ABCC6: variants seen among roughly 807,000 people sequenced by gnomAD.
ABCC6 encodes ATP binding cassette subfamily C member 6.
Under a neutral mutation model 169.5 loss-of-function variants are expected in ABCC6, and 126 were observed. The observed-to-expected ratio is 0.74, with a 90% CI of 0.64 to 0.86. The LOEUF (loss-of-function observed/expected upper bound fraction) is 0.86, where lower values mean the gene tolerates loss of function less well. Ranked by LOEUF, ABCC6 falls within the 40% of genes least tolerant of loss-of-function variation. The pLI, the probability that ABCC6 is intolerant of heterozygous loss-of-function variation, is 0.00. For synonymous variants in ABCC6, 752 were observed against 814.7 expected (o/e 0.92, Z 1.31); for missense variants, 1,733 against 1,927.2 (o/e 0.90, Z 1.89).
intron 9 of ABCC6, among the ~76,000 whole-genome samples, chr16:16,200,829 C>A (rs60591968): frequency 6.7e-6 from 1 of 149,638 alleles, no homozygotes. Context: ...GGCAGCAGTC[C>A]AGGGACTTAG....
rs918165883 is a variant in ABCC6, at chr16:16,169,047, C to T, written c.2995+599G>A. On this transcript the variant is annotated intron_variant, in intron 22 of 30. Transcript: ENST00000205557. ...AGTGAGCCGAGACGGCAGCACTGCC[C>T]TCCAGCCCGGGCAACAGAGCAAGAC... 2.0e-5 allele frequency among the ~76,000 whole-genome samples: 3 copies of T among 152,210 alleles called. No homozygotes were observed. In the East Asian group the frequency reaches 5.8e-4, roughly 29 times the overall value.
At chr16:16,189,118 G>C in intron 12 of ABCC6, 144 bp from the exon 13 acceptor site, 2 of 939,230 alleles carry the variant, frequency 2.1e-6, no homozygotes, top group East Asian at 2.5e-5. Context: ...CCCACTCCCA[G>C]TCCTGCTAAC....
chr16:16,163,093 C>T lies in ABCC6; in HGVS notation c.3406G>A (p.Val1136Met). The part of the protein sequence containing the change: ...HMAETFQGST[V>M]VRAFRTQAPF... Reference sequence around the variant, plus strand: ...GCCTGGGTTCGGAATGCCCGGACCACTGTGCTGCCCTGGAACGTCTCAGCC... The same window carrying T: ...GCCTGGGTTCGGAATGCCCGGACCATTGTGCTGCCCTGGAACGTCTCAGCC... Residue 1136 changes from valine (V) to methionine (M), a missense_variant, in exon 24 of 31, where the codon GTG (valine) becomes ATG (methionine). Transcript: ENST00000205557. 1 of 1,613,902 alleles carries T rather than the reference C, an allele frequency of 6.2e-7. No individual in the cohort carries two copies. The highest frequency in any genetic ancestry group is 8.5e-7 in the Non-Finnish European group (1 of 1,180,040).
intron 21 of ABCC6, among the ~76,000 whole-genome samples, chr16:16,171,350 T>C (rs919525309): frequency 6.6e-6 from 1 of 152,182 alleles, no homozygotes; most frequent in South Asian, 2.1e-4. Flanking sequence ...TCTGAAAGTG[T>C]TGGGATTACA....
chr16:16,210,867 G>A (rs2048587609), intron 6 of ABCC6, among the ~76,000 whole-genome samples: 2 of 152,186 alleles, frequency 1.3e-5, no homozygotes, highest in African/African-American at 4.8e-5. Context: ...GTCGAGTGGG[G>A]TAGATCACTT....
In ABCC6 at chr16:16,150,054, A is replaced by G; in HGVS notation, c.*79T>C. The stretch of plus-strand genomic sequence containing the variant: ...GACTCAATATCGTGTGGAGCTATCG[A>G]TGACCACGGGTCACTTCCATCTCCA... On this transcript the variant is annotated 3_prime_UTR_variant, in exon 31 of 31. Coordinates refer to ENST00000205557, the MANE Select transcript of ABCC6 (RefSeq NM_001171.6). The G allele has an allele frequency of 6.3e-7, 1 of 1,584,248 alleles. No homozygotes were observed. Among genetic ancestry groups the G allele is most frequent in the South Asian group, 1.1e-5 (1 of 88,114 alleles).
At chr16:16,164,408 T>C (rs1176747054) in intron 23 of ABCC6, among the ~76,000 whole-genome samples, 2 of 152,070 alleles carry the variant, frequency 1.3e-5, no homozygotes, top group African/African-American at 2.4e-5. Context: ...TGGGGTGCTG[T>C]CAATCATGGG....
chr16:16,197,771 A>G (rs2048098659), intron 10 of ABCC6, among the ~76,000 whole-genome samples: 2 of 150,834 alleles, frequency 1.3e-5, no homozygotes, highest in Admixed American at 6.6e-5. Context: ...AAGCCTTATG[A>G]GCTTCTACAC....
In ABCC6 at chr16:16,192,913, G is replaced by A. The variant is rs1410193061; in HGVS notation, c.1348C>T (p.Pro450Ser). 2 of 1,614,056 alleles carry A rather than the reference G, an allele frequency of 1.2e-6. No homozygotes were observed. Among genetic ancestry groups the A allele is most frequent in the Admixed American group, 1.7e-5 (1 of 60,016 alleles). Reference sequence around the variant, plus strand: ...ACAGCGATGGCAGTGAGGGCGGAGGGCCCCAGGAGCTGGGGATAGAAGGGG... The same window carrying A: ...ACAGCGATGGCAGTGAGGGCGGAGGACCCCAGGAGCTGGGGATAGAAGGGG... Reference protein sequence around the residue: ...CFVYLWQLLGPSALTAIAVFL... With the variant: ...CFVYLWQLLGSSALTAIAVFL... The change falls in exon 11 of 31, where the codon CCC becomes TCC. Residue 450 changes from proline (P) to serine (S), a missense_variant. By Grantham distance (74) the Pro-to-Ser change is moderately conservative. Coordinates refer to ENST00000205557, the MANE Select transcript of ABCC6 (RefSeq NM_001171.6).
chr16:16,177,750 C>T, intron 18 of ABCC6, 124 bp from the exon 19 acceptor site: 1 of 1,180,852 alleles, frequency 8.5e-7, no homozygotes, highest in Non-Finnish European at 1.2e-6. Context: ...CGAGACCAGC[C>T]TGGCTGACAC....
At position 16,182,911 on chromosome 16, in the gene ABCC6, G is replaced by A. The variant is rs369410139; in HGVS notation, c.1963C>T (p.Gln655Ter). 1 of 1,613,988 alleles carries A rather than the reference G, an allele frequency of 6.2e-7. No homozygotes were observed. The highest frequency in any genetic ancestry group is 1.7e-5 in the Admixed American group (1 of 59,998). ...CCGACAACAGCCAGCAGACAGCCCTGGGGCACCGTGAGGTTTATTCTGGAC... is the reference window on the plus strand; with the variant it reads ...CCGACAACAGCCAGCAGACAGCCCTAGGGCACCGTGAGGTTTATTCTGGAC... ...CLHRINLTVP[Q>*]GCLLAVVGPV... Residue 655 changes from glutamine to a stop codon, truncating the protein, a stop_gained, in exon 16 of 31, where the codon CAG (glutamine) becomes TAG (stop). Coordinates refer to ENST00000205557, the MANE Select transcript of ABCC6 (RefSeq NM_001171.6). LOFTEE classifies it high-confidence loss of function.
intron 6 of ABCC6, among the ~76,000 whole-genome samples, chr16:16,210,505 G>A (rs1370391178): frequency 2.0e-5 from 3 of 152,216 alleles, no homozygotes; most frequent in Admixed American, 6.5e-5. Context: ...AATTATTAAC[G>A]TGGCTTGATT....
At chr16:16,162,790 A>AC (rs201196972) in intron 24 of ABCC6, among the ~76,000 whole-genome samples, 2,539 of 151,998 alleles carry the variant, frequency 0.017, 22 homozygotes, top group Non-Finnish European at 0.027. Context: ...TTCTTCCTGT[A>AC]CCCCCCGCCC....
At chr16:16,184,647 C>T (rs1000211396) in intron 15 of ABCC6, among the ~76,000 whole-genome samples, 6 of 152,112 alleles carry the variant, frequency 3.9e-5, no homozygotes, top group Admixed American at 6.5e-5. Flanking sequence ...CCTTGGGGCT[C>T]CTCTCAGCCA....
chr16:16,149,946 G>C lies in ABCC6; in HGVS notation c.*187C>G. ...CCCTGCCCGGGCAGACCTGTGTATT[G>C]CTAGGTCCTTCCGGCTCTGATGCTC... On this transcript the variant is annotated 3_prime_UTR_variant, in exon 31 of 31. Coordinates refer to ENST00000205557, the MANE Select transcript of ABCC6 (RefSeq NM_001171.6). 1 of 876,244 alleles carries C rather than the reference G, an allele frequency of 1.1e-6. No homozygotes were observed. Among genetic ancestry groups the C allele is most frequent in the South Asian group, 1.5e-5 (1 of 64,868 alleles). The allele number at this position is 876,244 out of a possible 1,614,324, so 54.3% of individuals were successfully genotyped here.
At position 16,190,206 on chromosome 16, in the gene ABCC6, G is replaced by A. The variant is rs1431851402; in HGVS notation, c.1593C>T (p.Leu531=). ...GGAAGGACACCAGCGACACAGAGAA[G>A]AGGAGGCCGGAGGTCCGCAAGGCGC... ...ELGALRTSGL[L]FSVSLVSFQV... The change falls in exon 12 of 31, where the codon CTC becomes CTT. Residue 531 remains leucine, a synonymous_variant. Coordinates refer to ENST00000205557, the MANE Select transcript of ABCC6 (RefSeq NM_001171.6). 13 of 1,613,908 alleles carry A rather than the reference G, an allele frequency of 8.1e-6. No individual in the cohort carries two copies. The highest frequency in any genetic ancestry group is 3.3e-5 in the Admixed American group (2 of 59,974).
In ABCC6 at chr16:16,192,925, G is replaced by A. The variant is rs755179495; in HGVS notation, c.1339-3C>T. 1 of 1,613,172 alleles carries A rather than the reference G, an allele frequency of 6.2e-7. No homozygotes were observed. Among genetic ancestry groups the A allele is most frequent in the South Asian group, 1.1e-5 (1 of 91,016 alleles). The stretch of plus-strand genomic sequence containing the variant: ...GTGAGGGCGGAGGGCCCCAGGAGCT[G>A]GGGATAGAAGGGGCAGGATGTCAGG... On this transcript the variant is annotated splice_region_variant and splice_polypyrimidine_tract_variant and intron_variant, in intron 10 of 30. Coordinates refer to ENST00000205557, the MANE Select transcript of ABCC6 (RefSeq NM_001171.6).
intron 9 of ABCC6, among the ~76,000 whole-genome samples, chr16:16,200,512 G>T (rs1191457224): frequency 1.4e-5 from 2 of 147,072 alleles, no homozygotes; most frequent in Admixed American, 1.4e-4. Context: ...CTCCTGGCGT[G>T]TGGGTGGGGA....
At chr16:16,150,907 C>G in intron 29 of ABCC6, 135 bp from the exon 30 acceptor site, 1 of 1,502,404 alleles carries the variant, frequency 6.7e-7, no homozygotes, top group Non-Finnish European at 9.0e-7. Context: ...CACATGGGGT[C>G]TGGGGTCTGT....
Sources: gnomAD v4.1 joint callset for allele counts (sites outside exome capture counted in the v4.1 genomes callset) on GRCh38, gnomAD v4.1.1 for gene constraint, MANE v1.5 for transcripts, NCBI Gene and HGNC (gene_info 2026-07-23, HGNC 2026-07-21) for gene names.